Variants in FTO observed in about 807,000 individuals in gnomAD.
The protein encoded by FTO is FTO alpha-ketoglutarate dependent dioxygenase, also known as alpha-ketoglutarate-dependent dioxygenase FTO.
In FTO, 47 loss-of-function variants were observed where a neutral mutation model predicts 63.9. The ratio of observed to expected loss-of-function variants is 0.74; its 90% CI spans 0.58 to 0.94. The LOEUF (loss-of-function observed/expected upper bound fraction) is 0.94, where lower values mean the gene tolerates loss of function less well. Ranked by LOEUF, FTO falls within the 40% of genes least tolerant of loss-of-function variation. The probability of loss-of-function intolerance (pLI) is 0.00; values close to 1 mark genes in which losing one functional copy is unlikely to be tolerated. For missense variants in FTO, 562 were observed against 618.1 expected, an observed-to-expected ratio of 0.91 and a Z score of 0.96; for synonymous variants, 207 against 224.4, an observed-to-expected ratio of 0.92 and a Z score of 0.69.
At chr16:54,104,254 G>A (rs2086699752) in intron 8 of FTO, among the ~76,000 whole-genome samples, 1 of 151,750 alleles carries the variant, frequency 6.6e-6, no homozygotes, top group Non-Finnish European at 1.5e-5. Context: ...GATCTGGCAG[G>A]TGGGTTTTGC....
At chr16:53,883,641 A>G (rs915799118) in intron 6 of FTO, among the ~76,000 whole-genome samples, 1 of 149,392 alleles carries the variant, frequency 6.7e-6, no homozygotes, top group African/African-American at 2.5e-5. Flanking sequence ...AAAAACAAAA[A>G]AAAAAAAACA....
At chr16:53,794,226 A>G (rs550591513) in intron 1 of FTO, among the ~76,000 whole-genome samples, 1 of 152,354 alleles carries the variant, frequency 6.6e-6, no homozygotes, top group African/African-American at 2.4e-5. Flanking sequence ...TTTTTATCCT[A>G]AAGAAGTCAT....
chr16:53,869,258 A>T (rs1169001831), intron 4 of FTO, among the ~76,000 whole-genome samples: 2 of 151,666 alleles, frequency 1.3e-5, no homozygotes, highest in African/African-American at 2.4e-5. Flanking sequence ...TTCTGAGGAA[A>T]CGTCAGATAG....
At chr16:54,042,180 T>C (rs1358335490) in intron 8 of FTO, among the ~76,000 whole-genome samples, 3 of 150,718 alleles carry the variant, frequency 2.0e-5, no homozygotes, top group East Asian at 4.0e-4. Context: ...GATTTCTGCA[T>C]TTCCATCTGA....
At chr16:54,036,492 G>C (rs1270482177) in intron 8 of FTO, among the ~76,000 whole-genome samples, 1 of 152,172 alleles carries the variant, frequency 6.6e-6, no homozygotes, top group East Asian at 1.9e-4. Flanking sequence ...TCAAAACCTT[G>C]AGGTTCTTTT....
intron 1 of FTO, among the ~76,000 whole-genome samples, chr16:53,769,931 C>G (rs1321122347): frequency 6.6e-6 from 1 of 151,982 alleles, no homozygotes; most frequent in Non-Finnish European, 1.5e-5. Flanking sequence ...GGGAAAAGAG[C>G]TGCAGAAATG....
chr16:53,710,957 G>T (rs1055033338), intron 1 of FTO, among the ~76,000 whole-genome samples: 1 of 152,012 alleles, frequency 6.6e-6, no homozygotes. Flanking sequence ...ATTTACTTGC[G>T]CAAGCAATTT....
At chr16:53,822,486 G>T (rs146095947) in intron 2 of FTO, among the ~76,000 whole-genome samples, 342 of 152,134 alleles carry the variant, frequency 2.2e-3, no homozygotes, top group African/African-American at 7.8e-3. Flanking sequence ...TTTGATTTCC[G>T]CAGTGTAAAT....
At chr16:54,018,425 CATACATA>C (rs1567520004) in intron 8 of FTO, among the ~76,000 whole-genome samples, 17 of 124,054 alleles carry the variant, frequency 1.4e-4, no homozygotes, top group African/African-American at 3.1e-4. Flanking sequence ...TACATACATA[CATACATA>C]CATACATACA....
intron 7 of FTO, among the ~76,000 whole-genome samples, chr16:53,909,715 C>T (rs2081636309): frequency 6.6e-6 from 1 of 151,578 alleles, no homozygotes; most frequent in Admixed American, 6.6e-5. Context: ...AGGTGCCCGC[C>T]ACCACGCTCG....
At chr16:53,851,285 TAA>T (rs571720201) in intron 4 of FTO, among the ~76,000 whole-genome samples, 1,042 of 103,256 alleles carry the variant, frequency 0.01, 14 homozygotes, top group African/African-American at 0.031. Context: ...CCACCTCTAC[TAA>T]AAAAAAAAAA....
chr16:53,883,636 CAA>C lies in FTO; in HGVS notation c.1119+3661_1119+3662del, dbSNP rs1202328126. Among the ~76,000 whole-genome samples the C allele has an allele frequency of 3.2e-4, 39 of 121,144 alleles. 1 individual carries two copies. Among genetic ancestry groups the C allele is most frequent in the African/African-American group, 9.3e-4 (29 of 31,234 alleles). 79.5% of individuals were successfully genotyped at this position (121,144 alleles called of 152,430 possible). A position where few individuals can be genotyped will look rare whatever the true frequency, so the allele number is the denominator to read the frequency against. ...AAACTCTATCTCAAAAAAAAAAAAACAAAAAAAAAAAAACAAATTTGTCTGCT... is the reference window on the plus strand; with the variant it reads ...AAACTCTATCTCAAAAAAAAAAAAACAAAAAAAAAAACAAATTTGTCTGCT... On this transcript the variant is annotated intron_variant, in intron 6 of 8. Transcript: ENST00000471389.
chr16:53,748,231 T>G (rs1044724889), intron 1 of FTO, among the ~76,000 whole-genome samples: 13 of 152,316 alleles, frequency 8.5e-5, no homozygotes, highest in African/African-American at 3.1e-4. Context: ...GGGATTGAAT[T>G]GAATGTGTAG....
chr16:53,743,091 C>A (rs1173362962), intron 1 of FTO, among the ~76,000 whole-genome samples: 1 of 152,216 alleles, frequency 6.6e-6, no homozygotes, highest in Non-Finnish European at 1.5e-5. Flanking sequence ...TGTCTCCTTT[C>A]CACTGTCAGG....
chr16:53,892,514 T>C (rs2081175048), intron 7 of FTO, among the ~76,000 whole-genome samples: 1 of 152,186 alleles, frequency 6.6e-6, no homozygotes, highest in African/African-American at 2.4e-5. Flanking sequence ...CTGAGTGTCC[T>C]CACTTTGCTT....
At chr16:54,054,527 C>T (rs2085385543) in intron 8 of FTO, 2 of 152,176 alleles carry the variant, frequency 1.3e-5, no homozygotes, top group Non-Finnish European at 2.9e-5. Flanking sequence ...GATGGTAATA[C>T]CTTGTTATTA....
At chr16:53,815,633 C>CTTTTTTTTTTT (rs2078653863) in intron 2 of FTO, among the ~76,000 whole-genome samples, 1 of 80,146 alleles carries the variant, frequency 1.2e-5, no homozygotes, top group African/African-American at 6.3e-5. Flanking sequence ...CATTGACTTT[C>CTTTTTTTTTTT]TTGTTTTTTT....
intron 8 of FTO, among the ~76,000 whole-genome samples, chr16:54,034,501 TA>T (rs1472786026): frequency 6.6e-6 from 1 of 152,196 alleles, no homozygotes; most frequent in Admixed American, 6.5e-5. Flanking sequence ...AGTTCTGTTA[TA>T]GTCATTATCC....
chr16:53,883,222 A>G (rs1292087116), intron 6 of FTO, among the ~76,000 whole-genome samples: 2 of 152,120 alleles, frequency 1.3e-5, no homozygotes, highest in East Asian at 1.9e-4. Flanking sequence ...GTATTTCCCT[A>G]TCCTTTCTCA....
Sources: allele counts gnomAD v4.1 joint callset (sites outside exome capture counted in the v4.1 genomes callset), GRCh38; gene constraint gnomAD v4.1.1; transcripts MANE v1.5; gene names NCBI Gene and HGNC (gene_info 2026-07-23, HGNC 2026-07-21).